Variants in WDPCP observed in about 807,000 individuals in gnomAD.
The protein encoded by WDPCP is WD repeat containing planar cell polarity effector, also known as WD repeat-containing and planar cell polarity effector protein fritz homolog.
A neutral mutation model predicts 93.1 loss-of-function variants in WDPCP; 71 were observed. That is an observed-to-expected ratio of 0.76 (90% CI 0.63 to 0.93). The LOEUF (loss-of-function observed/expected upper bound fraction) is 0.93, where lower values mean the gene tolerates loss of function less well. Ranked by LOEUF, WDPCP falls within the 40% of genes least tolerant of loss-of-function variation. The pLI, the probability that WDPCP is intolerant of heterozygous loss-of-function variation, is 0.00. For synonymous variants in WDPCP, 315 were observed against 315.0 expected, an observed-to-expected ratio of 1.00 and a Z score of 0.00; for missense variants, 844 against 887.4, an observed-to-expected ratio of 0.95 and a Z score of 0.62.
chr2:63,455,731 G>T (rs1187923566), intron 6 of WDPCP, among the ~76,000 whole-genome samples: 1 of 152,068 alleles, frequency 6.6e-6, no homozygotes, highest in Non-Finnish European at 1.5e-5. Context: ...CACAATAATA[G>T]TAGGAGGCAT....
intron 14 of WDPCP, among the ~76,000 whole-genome samples, chr2:63,176,386 A>G (rs1359534871): frequency 6.6e-6 from 1 of 152,038 alleles, no homozygotes; most frequent in Non-Finnish European, 1.5e-5. Flanking sequence ...AGCTGGGACT[A>G]CAGGTGTGTA....
At chr2:63,308,507 T>A (rs1685925096) in intron 13 of WDPCP, among the ~76,000 whole-genome samples, 1 of 152,178 alleles carries the variant, frequency 6.6e-6, no homozygotes, top group South Asian at 2.1e-4. Flanking sequence ...TGCCTATCAG[T>A]GATAGACTGG....
chr2:63,510,370 A>G (rs1702153211), intron 1 of WDPCP, among the ~76,000 whole-genome samples: 1 of 152,240 alleles, frequency 6.6e-6, no homozygotes, highest in Non-Finnish European at 1.5e-5. Context: ...GGCCTTTGAT[A>G]AAATTCAACA....
chr2:63,616,370 TG>T, intron 3 of WDPCP, among the ~76,000 whole-genome samples: 1 of 151,996 alleles, frequency 6.6e-6, no homozygotes, highest in Non-Finnish European at 1.5e-5. Flanking sequence ...TAAAACAAAC[TG>T]GGGGAATTAA....
chr2:63,716,608 T>C (rs975204575), intron 2 of WDPCP, among the ~76,000 whole-genome samples: 2 of 152,210 alleles, frequency 1.3e-5, no homozygotes, highest in Non-Finnish European at 2.9e-5. Flanking sequence ...TCATTTTATA[T>C]AGGGTCACAG....
intron 1 of WDPCP, among the ~76,000 whole-genome samples, chr2:63,508,167 G>A (rs1391147258): frequency 5.9e-5 from 9 of 152,122 alleles, no homozygotes; most frequent in Admixed American, 3.3e-4. Context: ...GGGAAAAAAC[G>A]TTAAGGGAAG....
At chr2:63,705,221 CA>C (rs539905003) in intron 2 of WDPCP, among the ~76,000 whole-genome samples, 271 of 152,192 alleles carry the variant, frequency 1.8e-3, no homozygotes, top group Non-Finnish European at 2.7e-3. Context: ...AGCAGTCTAT[CA>C]ATTTTGTTAA....
chr2:63,437,907 T>G, intron 7 of WDPCP: 1 of 1,589,788 alleles, frequency 6.3e-7, no homozygotes, highest in Non-Finnish European at 8.6e-7. Context: ...TGCTAAGAGT[T>G]TAATCCTATG....
At chr2:63,723,100 AG>A (rs1049950277) in intron 2 of WDPCP, among the ~76,000 whole-genome samples, 1 of 151,990 alleles carries the variant, frequency 6.6e-6, no homozygotes, top group African/African-American at 2.4e-5. Context: ...GCTCGTTAAG[AG>A]TCATCACCAC....
intron 2 of WDPCP, among the ~76,000 whole-genome samples, chr2:63,671,071 A>AT (rs1325778100): frequency 6.6e-6 from 1 of 152,084 alleles, no homozygotes; most frequent in African/African-American, 2.4e-5. Context: ...CAGCTTTGAG[A>AT]TTTTTAGAGA....
intron 12 of WDPCP, among the ~76,000 whole-genome samples, chr2:63,355,085 T>TA (rs1689915367): frequency 6.6e-6 from 1 of 151,988 alleles, no homozygotes; most frequent in African/African-American, 2.4e-5. Flanking sequence ...ACTCAGGAAA[T>TA]ACAGAGAACT....
At chr2:63,410,199 T>C (rs1354543078) in intron 9 of WDPCP, among the ~76,000 whole-genome samples, 2 of 152,180 alleles carry the variant, frequency 1.3e-5, no homozygotes, top group Non-Finnish European at 2.9e-5. Flanking sequence ...CTAGAAGGTA[T>C]TGGGCTCCTA....
intron 13 of WDPCP, among the ~76,000 whole-genome samples, chr2:63,265,851 G>C (rs1237177071): frequency 1.3e-5 from 2 of 152,146 alleles, no homozygotes; most frequent in Non-Finnish European, 2.9e-5. Flanking sequence ...CGCAAGTATG[G>C]TTCAACATAT....
chr2:63,699,381 G>A (rs888052851), intron 2 of WDPCP, among the ~76,000 whole-genome samples: 1 of 152,156 alleles, frequency 6.6e-6, no homozygotes, highest in Non-Finnish European at 1.5e-5. Flanking sequence ...GTCCACTCAA[G>A]CAATTTGCAG....
intron 1 of WDPCP, among the ~76,000 whole-genome samples, 184 bp from the exon 2 acceptor site, chr2:63,493,124 G>A (rs1700998133): frequency 1.3e-5 from 2 of 151,982 alleles, no homozygotes; most frequent in Admixed American, 1.3e-4. Flanking sequence ...TCTAGAAAGA[G>A]GAAAAATACA....
chr2:63,519,121 C>T (rs1456554630), intron 1 of WDPCP: 2 of 151,744 alleles, frequency 1.3e-5, no homozygotes, highest in Non-Finnish European at 1.5e-5. Flanking sequence ...CCCCAGCCCC[C>T]AAACTGCACC....
intron 12 of WDPCP, among the ~76,000 whole-genome samples, chr2:63,334,151 C>T (rs939563788): frequency 1.3e-5 from 2 of 152,166 alleles, no homozygotes; most frequent in Non-Finnish European, 2.9e-5. Context: ...AATCCATGAA[C>T]ATGGGGTGTC....
At chr2:63,321,384 CTCTG>C (rs1687072044) in intron 12 of WDPCP, among the ~76,000 whole-genome samples, 1 of 114,184 alleles carries the variant, frequency 8.8e-6, no homozygotes, top group African/African-American at 3.7e-5. Context: ...TATATATACA[CTCTG>C]TGTGTGTGTG....
intron 15 of WDPCP, among the ~76,000 whole-genome samples, chr2:63,170,051 C>G (rs1673270909): frequency 6.6e-6 from 1 of 151,466 alleles, no homozygotes; most frequent in African/African-American, 2.4e-5. Flanking sequence ...GACCACCATG[C>G]CAGGCTAATT....
Sources: allele counts gnomAD v4.1 joint callset (sites outside exome capture counted in the v4.1 genomes callset), GRCh38; gene constraint gnomAD v4.1.1; transcripts MANE v1.5; gene names NCBI Gene and HGNC (gene_info 2026-07-23, HGNC 2026-07-21).